The following CMTM4 variants were observed in gnomAD, a reference collection of about 807,000 sequenced individuals.
CMTM4 encodes the protein CKLF like MARVEL transmembrane domain containing 4, also known as CKLF-like MARVEL transmembrane domain-containing protein 4.
In CMTM4, 8 loss-of-function variants were observed where a neutral mutation model predicts 19.0. That is an observed-to-expected ratio of 0.42 (90% CI 0.25 to 0.76). CMTM4 has a LOEUF of 0.76. CMTM4 is among the 30% of genes least tolerant of loss of function. CMTM4 has a pLI of 0.27. For missense variants in CMTM4, 228 were observed against 290.2 expected, an observed-to-expected ratio of 0.79 and a Z score of 1.56; for synonymous variants, 106 against 121.1, an observed-to-expected ratio of 0.88 and a Z score of 0.82.
chr16:66,630,527 A>G (rs1213922440), intron 2 of CMTM4, among the ~76,000 whole-genome samples: 1 of 151,332 alleles, frequency 6.6e-6, no homozygotes, highest in African/African-American at 2.4e-5. Flanking sequence ...TTTGGTGGAG[A>G]CGGGGTTTTG....
intron 1 of CMTM4, among the ~76,000 whole-genome samples, chr16:66,683,180 TGTATATATATATAC>T (rs1357950003): frequency 3.5e-5 from 3 of 85,670 alleles, no homozygotes; most frequent in Non-Finnish European, 4.9e-5. Flanking sequence ...TATATACATA[TGTATATATATATAC>T]ATATATATAT....
At chr16:66,653,449 G>A (rs2016347288) in intron 1 of CMTM4, among the ~76,000 whole-genome samples, 1 of 152,158 alleles carries the variant, frequency 6.6e-6, no homozygotes, top group African/African-American at 2.4e-5. Context: ...GATGCAGTGA[G>A]CTAAGGGTTA....
intron 2 of CMTM4, among the ~76,000 whole-genome samples, chr16:66,629,508 G>C (rs1283797519): frequency 1.3e-5 from 2 of 152,192 alleles, no homozygotes; most frequent in Non-Finnish European, 2.9e-5. Context: ...CAGAAAGAAT[G>C]AGTGTGCTAT....
intron 1 of CMTM4, among the ~76,000 whole-genome samples, chr16:66,691,217 A>T (rs1339939360): frequency 6.6e-6 from 1 of 152,162 alleles, no homozygotes; most frequent in Non-Finnish European, 1.5e-5. Flanking sequence ...CAAGAAAGGG[A>T]TGTGGATCAG....
chr16:66,669,644 C>T (rs920435387), intron 1 of CMTM4, among the ~76,000 whole-genome samples: 3 of 152,078 alleles, frequency 2.0e-5, no homozygotes, highest in African/African-American at 7.2e-5. Flanking sequence ...CAGGTTCACG[C>T]CATTCTCCTG....
intron 2 of CMTM4, among the ~76,000 whole-genome samples, chr16:66,635,235 T>C (rs1270930323): frequency 6.6e-6 from 1 of 152,204 alleles, no homozygotes; most frequent in Non-Finnish European, 1.5e-5. Flanking sequence ...ACAAAATGCT[T>C]CTAGTTATCT....
At chr16:66,676,814 T>C (rs867564566) in intron 1 of CMTM4, among the ~76,000 whole-genome samples, 1 of 152,206 alleles carries the variant, frequency 6.6e-6, no homozygotes, top group Non-Finnish European at 1.5e-5. Context: ...GCCTCTGCCA[T>C]GCAGATGTTT....
chr16:66,670,930 T>C (rs1319892677), intron 1 of CMTM4, among the ~76,000 whole-genome samples: 1 of 152,188 alleles, frequency 6.6e-6, no homozygotes, highest in African/African-American at 2.4e-5. Flanking sequence ...CAAAACAATG[T>C]AGACCTAACT....
At position 66,617,608 on chromosome 16, in the gene CMTM4, G is replaced by T; in HGVS notation, c.*4450C>A. 8.2e-7 allele frequency: 1 copy of T among 1,219,280 alleles called. No individual in the cohort carries two copies. 75.5% of individuals were successfully genotyped at this position (1,219,280 alleles called of 1,614,324 possible). A position where few individuals can be genotyped will look rare whatever the true frequency, so the allele number is the denominator to read the frequency against. On this transcript the variant is annotated 3_prime_UTR_variant, in exon 4 of 4. Coordinates refer to ENST00000394106, the MANE Select transcript of CMTM4 (RefSeq NM_181521.3). ...TTTCTAAATAAAAGAAACATAAAAG[G>T]TCAAATATTTTAAATTACTTTCTCA... is the stretch of plus-strand genomic sequence containing the variant.
chr16:66,622,225 A>G lies in CMTM4; in HGVS notation c.463-3T>C. On this transcript the variant is annotated splice_polypyrimidine_tract_variant and splice_region_variant and intron_variant, in intron 3 of 3. Transcript: ENST00000394106. The surrounding 1 kb of genome is among the most constrained non-coding windows in gnomAD (Gnocchi z 4.0). ...GCAGTCGCCAAGAAGCCAAATATCT[A>G]AAAACACACCAGCACAGTTAGTCCT... 1 of 1,613,494 alleles carries G rather than the reference A, an allele frequency of 6.2e-7. No individual in the cohort carries two copies. Among genetic ancestry groups the G allele is most frequent in the Non-Finnish European group, 8.5e-7 (1 of 1,179,836 alleles).
At chr16:66,600,136 GTT>G in the CMTM4 span, among the ~76,000 whole-genome samples, 10 of 135,130 alleles carry the variant, frequency 7.4e-5, no homozygotes, top group Admixed American at 1.6e-4. Flanking sequence ...GTGTGTGTGT[GTT>G]TTTTTTTGTT....
chr16:66,673,525 C>T (rs2016751703), intron 1 of CMTM4, among the ~76,000 whole-genome samples: 1 of 152,044 alleles, frequency 6.6e-6, no homozygotes, highest in Non-Finnish European at 1.5e-5. Context: ...CTATTATTTA[C>T]AGAAAATGCC....
At chr16:66,611,528 G>A (rs928881357), downstream of CMTM4, among the ~76,000 whole-genome samples, 1 of 152,164 alleles carries the variant, frequency 6.6e-6, no homozygotes, top group African/African-American at 2.4e-5. Context: ...GACAGAGCTG[G>A]GGTTTAGGGA....
chr16:66,689,408 CT>C (rs2017096029), intron 1 of CMTM4, among the ~76,000 whole-genome samples: 1 of 151,824 alleles, frequency 6.6e-6, no homozygotes, highest in South Asian at 2.1e-4. Context: ...AATCATGTGG[CT>C]TTGGGTTTTG....
Position 66,619,869 on chromosome 16 carries a change from TTAAC to T in CMTM4, c.*2185_*2188del. Reference sequence around the variant, plus strand: ...GAAGAGTCTATCACGAAGATGCAAATTAACTCCTAAGTCACTCTCTGGCGTGTCA... The same window carrying T: ...GAAGAGTCTATCACGAAGATGCAAATTCCTAAGTCACTCTCTGGCGTGTCA... On this transcript the variant is annotated 3_prime_UTR_variant, in exon 4 of 4. Transcript: ENST00000394106. The T allele has an allele frequency of 2.0e-6, 2 of 985,414 alleles. No individual in the cohort carries two copies. The highest frequency in any genetic ancestry group is 2.4e-6 in the Non-Finnish European group (2 of 829,926). 61.0% of individuals were successfully genotyped at this position (985,414 alleles called of 1,614,324 possible).
intron 1 of CMTM4, among the ~76,000 whole-genome samples, chr16:66,675,925 G>A (rs973704532): frequency 1.3e-5 from 2 of 151,534 alleles, no homozygotes; most frequent in Admixed American, 6.6e-5. Flanking sequence ...GCAGTGGTGC[G>A]ATCATAGCTT....
At chr16:66,686,891 CA>C (rs1165989989) in intron 1 of CMTM4, among the ~76,000 whole-genome samples, 3 of 151,946 alleles carry the variant, frequency 2.0e-5, no homozygotes, top group African/African-American at 7.3e-5. Flanking sequence ...TTCCTAATAG[CA>C]AAAAAACTAG....
intron 1 of CMTM4, among the ~76,000 whole-genome samples, chr16:66,684,421 C>T (rs936887512): frequency 1.2e-4 from 19 of 152,120 alleles, no homozygotes; most frequent in African/African-American, 4.3e-4. Context: ...AAGTGATCTG[C>T]CTGCCTCAGC....
At chr16:66,607,007 A>G in the CMTM4 span, among the ~76,000 whole-genome samples, 77 of 152,178 alleles carry the variant, frequency 5.1e-4, no homozygotes, top group Non-Finnish European at 8.4e-4. Flanking sequence ...GGCGGAGGTA[A>G]GATAACTCTA....
Sources: allele counts gnomAD v4.1 joint callset (sites outside exome capture counted in the v4.1 genomes callset), GRCh38; gene constraint gnomAD v4.1.1; non-coding constraint Gnocchi (gnomAD v3.1); transcripts MANE v1.5; gene names NCBI Gene and HGNC (gene_info 2026-07-23, HGNC 2026-07-21).